The following CTNNA2 variants were observed in gnomAD, a reference collection of about 807,000 sequenced individuals.
CTNNA2 encodes catenin alpha-2.
CTNNA2 carries 42 observed loss-of-function variants against 101.0 expected under a neutral mutation model. That is an observed-to-expected ratio of 0.42 (90% confidence interval 0.32 to 0.54). The LOEUF (loss-of-function observed/expected upper bound fraction) is 0.54, where lower values mean the gene tolerates loss of function less well. Ranked by LOEUF, CTNNA2 falls within the 20% of genes least tolerant of loss-of-function variation. The pLI is 0.14. For missense variants in CTNNA2, 871 were observed against 1,223.1 expected, an observed-to-expected ratio of 0.71 and a Z score of 4.29; for synonymous variants, 450 against 456.4, an observed-to-expected ratio of 0.99 and a Z score of 0.18.
intron 11 of CTNNA2, among the ~76,000 whole-genome samples, chr2:80,553,062 CA>C (rs34648725): frequency 3.7e-3 from 459 of 123,362 alleles, no homozygotes; most frequent in African/African-American, 6.0e-3. Context: ...ACTAAAAAGA[CA>C]AAAAAAAAAA....
chr2:80,200,611 C>G (rs1269046724), intron 7 of CTNNA2, among the ~76,000 whole-genome samples: 1 of 152,182 alleles, frequency 6.6e-6, no homozygotes, highest in Non-Finnish European at 1.5e-5. Flanking sequence ...TCCCGGCTCA[C>G]TGCAATCTCC....
At chr2:79,365,385 G>A (rs1476957022) in intron 3 of CTNNA2, among the ~76,000 whole-genome samples, 1 of 152,162 alleles carries the variant, frequency 6.6e-6, no homozygotes, top group Non-Finnish European at 1.5e-5. Context: ...CACTCTGGGA[G>A]GCCAAGGCAG....
chr2:79,678,540 AAC>A (rs1010623780), intron 2 of CTNNA2, among the ~76,000 whole-genome samples: 21 of 130,716 alleles, frequency 1.6e-4, no homozygotes, highest in African/African-American at 8.1e-4. Context: ...GTCTCAAACA[AAC>A]AAAAAAAAAA....
intron 8 of CTNNA2, among the ~76,000 whole-genome samples, chr2:80,408,300 A>C (rs1304865727): frequency 6.6e-6 from 1 of 152,182 alleles, no homozygotes; most frequent in Non-Finnish European, 1.5e-5. Flanking sequence ...CAATCCTACC[A>C]CACCGTAACA....
chr2:80,596,298 T>G (rs1696964027), intron 15 of CTNNA2, among the ~76,000 whole-genome samples: 5 of 54,446 alleles, frequency 9.2e-5, no homozygotes, highest in Non-Finnish European at 1.4e-4. Context: ...TTTTTTTTTT[T>G]TTTTTTTTTT....
Position 80,619,197 on chromosome 2 carries a change from C to G in CTNNA2, c.2543C>G (p.Pro848Arg), listed in dbSNP as rs142175705. 6.3e-7 allele frequency: 1 copy of G among 1,585,156 alleles called. No homozygotes were observed. Among genetic ancestry groups the G allele is most frequent in the Admixed American group, 1.8e-5 (1 of 56,972 alleles). ...CTCCCAACCTGTGCTGAGGGAGCTC[C>G]GATCGGGAGTGGAAGCAGTGATTCC... ...THLPTCAEGA[P>R]IGSGSSDSSM... Residue 848 changes from proline (P) to arginine (R), a missense_variant, in exon 18 of 19, where the codon CCG (proline) becomes CGG (arginine). Pro to Arg is a moderately radical substitution (Grantham distance 103, BLOSUM62 -2). Transcript: ENST00000402739.
At chr2:80,515,212 A>G (rs1481126076) in intron 9 of CTNNA2, among the ~76,000 whole-genome samples, 1 of 151,880 alleles carries the variant, frequency 6.6e-6, no homozygotes, top group Non-Finnish European at 1.5e-5. Flanking sequence ...ATGAGTTTCA[A>G]ATAGGATTTT....
At chr2:80,258,284 A>G (rs1672327982) in intron 7 of CTNNA2, among the ~76,000 whole-genome samples, 1 of 152,130 alleles carries the variant, frequency 6.6e-6, no homozygotes, top group African/African-American at 2.4e-5. Flanking sequence ...AAATCTTCCA[A>G]TCTTAAGAAT....
intron 7 of CTNNA2, among the ~76,000 whole-genome samples, chr2:79,935,352 C>CT (rs56252618): frequency 0.31 from 45,285 of 144,574 alleles, 6,957 homozygotes; most frequent in South Asian, 0.35. Context: ...CTCTCTCTCT[C>CT]TTTTTTTTTT....
chr2:80,457,733 A>G (rs1004845590), intron 9 of CTNNA2, among the ~76,000 whole-genome samples: 2 of 152,050 alleles, frequency 1.3e-5, no homozygotes, highest in African/African-American at 2.4e-5. Context: ...TTGAGAATGA[A>G]CCTTCATATA....
At chr2:79,727,480 G>A (rs17017708) in intron 2 of CTNNA2, among the ~76,000 whole-genome samples, 57,881 of 151,888 alleles carry the variant, frequency 0.38, 12,454 homozygotes, top group African/African-American at 0.6. Context: ...TAATTTTGAC[G>A]TAAAAATTCA....
Position 80,547,298 on chromosome 2 carries a change from A to C in CTNNA2, c.1540+1235A>C, listed in dbSNP as rs558304004. On this transcript the variant is annotated intron_variant, in intron 11 of 18. Transcript: ENST00000402739. ...GCGGCCTGTGACTAGAATTTACCTT[A>C]CTCTCTGCTGCTTGATTTAATTCTC... Among the ~76,000 whole-genome samples, 72 of 152,086 alleles carry C rather than the reference A, an allele frequency of 4.7e-4. 2 individuals carry two copies. The South Asian group carries it at 0.014, about 30-fold the overall frequency.
chr2:79,440,753 G>T (rs912897253), intron 4 of CTNNA2, among the ~76,000 whole-genome samples: 1 of 152,092 alleles, frequency 6.6e-6, no homozygotes, highest in African/African-American at 2.4e-5. Flanking sequence ...CTAATTTATT[G>T]CCAGAAAAGG....
chr2:80,024,174 T>C (rs1437187053), intron 7 of CTNNA2, among the ~76,000 whole-genome samples: 1 of 152,036 alleles, frequency 6.6e-6, no homozygotes, highest in Non-Finnish European at 1.5e-5. Flanking sequence ...ATTGCTTTCA[T>C]AGACATATAT....
intron 9 of CTNNA2, among the ~76,000 whole-genome samples, chr2:80,531,238 G>A (rs1690511236): frequency 6.6e-6 from 1 of 152,168 alleles, no homozygotes; most frequent in Admixed American, 6.5e-5. Flanking sequence ...AGGTTCCCAG[G>A]ACTTCTCCTT....
chr2:79,720,768 A>C (rs2104860784), intron 2 of CTNNA2, among the ~76,000 whole-genome samples: 1 of 152,238 alleles, frequency 6.6e-6, no homozygotes, highest in African/African-American at 2.4e-5. Context: ...CAGTTCTAAT[A>C]GCTTTTTCAC....
intron 3 of CTNNA2, among the ~76,000 whole-genome samples, chr2:79,360,196 A>T (rs557653891): frequency 1.3e-5 from 2 of 152,188 alleles, no homozygotes; most frequent in Admixed American, 6.5e-5. Context: ...CTCAGAATAC[A>T]TGGTTCTATC....
chr2:79,890,942 A>T (rs560568930), intron 6 of CTNNA2, among the ~76,000 whole-genome samples: 1 of 147,016 alleles, frequency 6.8e-6, no homozygotes, highest in Non-Finnish European at 1.5e-5. Context: ...TTATAAGGGC[A>T]CTAATCCCAT....
chr2:80,610,704 T>C (rs1273468187), intron 17 of CTNNA2, among the ~76,000 whole-genome samples: 1 of 151,714 alleles, frequency 6.6e-6, no homozygotes, highest in Non-Finnish European at 1.5e-5. Context: ...TTTTTAGTCT[T>C]ATGCTGGCAT....
Sources: allele counts gnomAD v4.1 joint callset (sites outside exome capture counted in the v4.1 genomes callset), GRCh38; gene constraint gnomAD v4.1.1; transcripts MANE v1.5; gene names NCBI Gene and HGNC (gene_info 2026-07-23, HGNC 2026-07-21).